Variants in DTD1 observed in about 807,000 individuals in gnomAD.
The protein encoded by DTD1 is D-tyrosyl-tRNA deacylase 1 homolog.
Under a neutral mutation model 25.6 loss-of-function variants are expected in DTD1, and 13 were observed. The ratio of observed to expected loss-of-function variants is 0.51; its 90% CI spans 0.33 to 0.81. The LOEUF (loss-of-function observed/expected upper bound fraction) is 0.81, where lower values mean the gene tolerates loss of function less well. DTD1 is among the 30% of genes least tolerant of loss of function. The pLI is 0.02. For synonymous variants in DTD1, 110 were observed against 103.6 expected (o/e 1.06, Z -0.37); for missense variants, 193 against 266.4 (o/e 0.72, Z 1.92).
At chr20:18,618,244 T>C (rs748911480) in intron 3 of DTD1, among the ~76,000 whole-genome samples, 1 of 152,194 alleles carries the variant, frequency 6.6e-6, no homozygotes, top group African/African-American at 2.4e-5. Flanking sequence ...AGATATCCCA[T>C]TGTAGTTTTA....
intron 4 of DTD1, among the ~76,000 whole-genome samples, chr20:18,686,701 G>C (rs1410451912): frequency 6.6e-6 from 1 of 151,478 alleles, no homozygotes; most frequent in East Asian, 1.9e-4. Context: ...GTGCATTTGT[G>C]AATTGCCTGT....
chr20:18,740,116 A>G (rs2061271266), intron 4 of DTD1, among the ~76,000 whole-genome samples: 1 of 152,130 alleles, frequency 6.6e-6, no homozygotes, highest in Non-Finnish European at 1.5e-5. Context: ...TGACACTACG[A>G]GGAGCTGAGA....
chr20:18,729,271 T>C (rs1235592049), intron 4 of DTD1, among the ~76,000 whole-genome samples: 3 of 152,230 alleles, frequency 2.0e-5, no homozygotes, highest in Non-Finnish European at 4.4e-5. Context: ...AAGGCTTTTA[T>C]AGATACATTT....
intron 3 of DTD1, among the ~76,000 whole-genome samples, chr20:18,622,008 G>A (rs13037939): frequency 0.15 from 23,206 of 151,704 alleles, 1,900 homozygotes; most frequent in Admixed American, 0.21. Flanking sequence ...AGGTTGCAGT[G>A]AGCAGAGATT....
chr20:18,609,041 G>A (rs1449691482), intron 3 of DTD1, among the ~76,000 whole-genome samples: 2 of 151,988 alleles, frequency 1.3e-5, no homozygotes, highest in Admixed American at 1.3e-4. Flanking sequence ...AGCCTCCTTT[G>A]TTAATGCATT....
intron 4 of DTD1, among the ~76,000 whole-genome samples, chr20:18,641,643 C>T (rs2060828807): frequency 6.6e-6 from 1 of 152,116 alleles, no homozygotes; most frequent in African/African-American, 2.4e-5. Flanking sequence ...TTTTCATGTG[C>T]TCCTTGGCCA....
At chr20:18,629,935 A>T (rs933331141) in intron 4 of DTD1, among the ~76,000 whole-genome samples, 24 of 152,048 alleles carry the variant, frequency 1.6e-4, no homozygotes, top group African/African-American at 5.3e-4. Context: ...GTCTACCCCC[A>T]TGATCCAGTC....
Position 18,755,399 on chromosome 20 carries a change from C to T in DTD1, c.*20-7961C>T, listed in dbSNP as rs148763309. On this transcript the variant is annotated intron_variant, in intron 5 of 5. Transcript: ENST00000377452. ...TCGTCATTTAACATTAGGTATATCTCCTAATGCTATCCCTCCCCTCTCCCC... is the reference window on the plus strand; with the variant it reads ...TCGTCATTTAACATTAGGTATATCTTCTAATGCTATCCCTCCCCTCTCCCC... Among the ~76,000 whole-genome samples the T allele has an allele frequency of 3.6e-3, 555 of 152,264 alleles. 6 individuals carry two copies. The highest frequency in any genetic ancestry group is 3.1e-3 in the South Asian group (15 of 4,820).
At chr20:18,643,831 C>T (rs1383872240) in intron 4 of DTD1, among the ~76,000 whole-genome samples, 1 of 152,038 alleles carries the variant, frequency 6.6e-6, no homozygotes, top group Non-Finnish European at 1.5e-5. Context: ...TCTGATGTTT[C>T]CTTAAGATTA....
At chr20:18,730,323 A>G (rs1266046980) in intron 4 of DTD1, among the ~76,000 whole-genome samples, 1 of 152,164 alleles carries the variant, frequency 6.6e-6, no homozygotes, top group African/African-American at 2.4e-5. Flanking sequence ...GATAAATCCC[A>G]ATGGGTGTGA....
chr20:18,659,665 A>G (rs1436950138), intron 4 of DTD1, among the ~76,000 whole-genome samples: 2 of 152,196 alleles, frequency 1.3e-5, no homozygotes, highest in East Asian at 3.9e-4. Context: ...AGAAAACCAG[A>G]CACTGCATGT....
At chr20:18,626,591 T>TG (rs1434289138) in intron 3 of DTD1, among the ~76,000 whole-genome samples, 3 of 152,020 alleles carry the variant, frequency 2.0e-5, no homozygotes, top group Admixed American at 6.6e-5. Context: ...TGAGTGTGTG[T>TG]TTTTTTTAAA....
intron 4 of DTD1, among the ~76,000 whole-genome samples, chr20:18,692,323 T>A (rs1344767768): frequency 6.6e-6 from 1 of 152,224 alleles, no homozygotes; most frequent in African/African-American, 2.4e-5. Flanking sequence ...TTCTAACTTC[T>A]TAGAGAAAAG....
intron 5 of DTD1, among the ~76,000 whole-genome samples, chr20:18,746,530 C>A (rs201192103): frequency 0.24 from 36,030 of 149,936 alleles, 4,626 homozygotes; most frequent in East Asian, 0.35. Flanking sequence ...AGACCCCCGT[C>A]TCTTAAAAAA....
At chr20:18,638,540 G>T (rs2060817162) in intron 4 of DTD1, among the ~76,000 whole-genome samples, 1 of 152,148 alleles carries the variant, frequency 6.6e-6, no homozygotes, top group African/African-American at 2.4e-5. Context: ...AGACAGAGGG[G>T]TCAGCAGATG....
At chr20:18,750,698 G>A (rs1013304584) in intron 5 of DTD1, among the ~76,000 whole-genome samples, 4 of 152,058 alleles carry the variant, frequency 2.6e-5, no homozygotes, top group Non-Finnish European at 5.9e-5. Context: ...TCAATCCTTC[G>A]GGCTCTCTCA....
At chr20:18,682,572 C>T (rs986390873) in intron 4 of DTD1, among the ~76,000 whole-genome samples, 1 of 152,190 alleles carries the variant, frequency 6.6e-6, no homozygotes, top group Non-Finnish European at 1.5e-5. Context: ...TGTGTGGAAC[C>T]TTCCTCCCTT....
intron 4 of DTD1, among the ~76,000 whole-genome samples, chr20:18,733,413 G>T (rs1487445997): frequency 2.0e-5 from 3 of 152,198 alleles, no homozygotes; most frequent in African/African-American, 7.2e-5. Context: ...CTGGGCTGGG[G>T]GACACAGTGG....
chr20:18,753,976 GT>G (rs1047999251), intron 5 of DTD1, among the ~76,000 whole-genome samples: 1 of 151,948 alleles, frequency 6.6e-6, no homozygotes, highest in African/African-American at 2.4e-5. Context: ...CATCTCTCAT[GT>G]TTTTTGCATA....
Sources: gnomAD v4.1 joint callset for allele counts (sites outside exome capture counted in the v4.1 genomes callset) on GRCh38, gnomAD v4.1.1 for gene constraint, MANE v1.5 for transcripts, NCBI Gene and HGNC (gene_info 2026-07-23, HGNC 2026-07-21) for gene names.